Variants in ZFPM2 observed in about 807,000 individuals in gnomAD.
ZFPM2 encodes the protein zinc finger protein, FOG family member 2.
In ZFPM2, 20 loss-of-function variants were observed where a neutral mutation model predicts 98.6. The observed-to-expected ratio is 0.20, with a 90% CI of 0.14 to 0.29. The LOEUF is 0.29. Ranked by LOEUF, ZFPM2 falls within the 10% of genes least tolerant of loss-of-function variation. The probability of loss-of-function intolerance (pLI) is 1.00; values close to 1 mark genes in which losing one functional copy is unlikely to be tolerated. For synonymous variants in ZFPM2, 518 were observed against 502.7 expected (o/e 1.03, Z -0.41); for missense variants, 1,310 against 1,388.6 (o/e 0.94, Z 0.90).
chr8:105,457,709 T>C (rs781105107), intron 3 of ZFPM2, among the ~76,000 whole-genome samples: 1 of 152,182 alleles, frequency 6.6e-6, no homozygotes, highest in Non-Finnish European at 1.5e-5. Context: ...TTGTTTGTTT[T>C]TTGCAAGTCT....
At chr8:105,674,824 T>C (rs764919773) in intron 5 of ZFPM2, among the ~76,000 whole-genome samples, 4 of 152,016 alleles carry the variant, frequency 2.6e-5, no homozygotes, top group Non-Finnish European at 5.9e-5. Context: ...TTTACTATGG[T>C]TGAGGGGAAA....
At chr8:105,575,343 C>G (rs759678140) in intron 4 of ZFPM2, among the ~76,000 whole-genome samples, 4 of 152,134 alleles carry the variant, frequency 2.6e-5, no homozygotes, top group Non-Finnish European at 5.9e-5. Context: ...CTCCCTTTCC[C>G]CAATTGTTGT....
rs775651750 is a variant in ZFPM2, at chr8:105,657,497, T to A, written c.532+23140T>A. Among the ~76,000 whole-genome samples, 219 of 152,102 alleles carry A rather than the reference T, an allele frequency of 1.4e-3. 1 individual carries two copies. Among genetic ancestry groups the A allele is most frequent in the Non-Finnish European group, 2.6e-3 (174 of 68,026 alleles). ...TATACAGGACTAGCCTTGTTTTGCA[T>A]CCTCCTGATGTTTCAGTCATGCCAA... On this transcript the variant is annotated intron_variant, in intron 5 of 7. Coordinates refer to ENST00000407775, the MANE Select transcript of ZFPM2 (RefSeq NM_012082.4).
At chr8:105,468,578 C>T (rs1306160937) in intron 3 of ZFPM2, among the ~76,000 whole-genome samples, 1 of 152,148 alleles carries the variant, frequency 6.6e-6, no homozygotes, top group Non-Finnish European at 1.5e-5. Context: ...TAGCACCTTC[C>T]ATGGCCTTGA....
intron 5 of ZFPM2, among the ~76,000 whole-genome samples, chr8:105,695,933 A>AT (rs1333437356): frequency 6.6e-6 from 1 of 152,084 alleles, no homozygotes; most frequent in Non-Finnish European, 1.5e-5. Flanking sequence ...TCAAAATGTG[A>AT]TTTTCTTGCT....
intron 5 of ZFPM2, among the ~76,000 whole-genome samples, chr8:105,646,349 C>T (rs1216492885): frequency 6.6e-6 from 1 of 152,100 alleles, no homozygotes; most frequent in African/African-American, 2.4e-5. Flanking sequence ...TCGGGTGGTT[C>T]GTTGATATCA....
chr8:105,524,805 G>A (rs369200399), intron 3 of ZFPM2, among the ~76,000 whole-genome samples: 5 of 152,126 alleles, frequency 3.3e-5, no homozygotes, highest in African/African-American at 1.2e-4. Context: ...TTTCTTTTAC[G>A]GCTCTAAGGG....
Position 105,456,155 on chromosome 8 carries a change from TGTTTG to T in ZFPM2, c.301+11775_301+11779del, listed in dbSNP as rs766439226. Among the ~76,000 whole-genome samples, 127 of 116,732 alleles carry T rather than the reference TGTTTG, an allele frequency of 1.1e-3. 3 individuals carry two copies. Among genetic ancestry groups the T allele is most frequent in the South Asian group, 1.8e-3 (7 of 3,890 alleles). The allele number at this position is 116,732 out of a possible 152,430, so 76.6% of individuals were successfully genotyped here. ...GGAAAACCAGGAAAATGTTTTTTTT[TGTTTG>T]TTTGTTTGTTTTTTTTTTAAGAAGG... On this transcript the variant is annotated intron_variant, in intron 3 of 7. Coordinates refer to ENST00000407775, the MANE Select transcript of ZFPM2 (RefSeq NM_012082.4).
At chr8:105,770,362 C>T (rs542374693) in intron 5 of ZFPM2, among the ~76,000 whole-genome samples, 5 of 152,132 alleles carry the variant, frequency 3.3e-5, no homozygotes, top group Non-Finnish European at 7.4e-5. Context: ...GGTCTTTGAA[C>T]TTACAAATGC....
intron 5 of ZFPM2, among the ~76,000 whole-genome samples, chr8:105,734,295 T>C (rs1372233040): frequency 1.3e-5 from 2 of 151,992 alleles, no homozygotes; most frequent in East Asian, 3.9e-4. Context: ...AACTGTAAAA[T>C]GAAGTAGTAT....
intron 1 of ZFPM2, among the ~76,000 whole-genome samples, chr8:105,355,475 G>C (rs1265984017): frequency 1.3e-5 from 2 of 152,102 alleles, no homozygotes; most frequent in Non-Finnish European, 2.9e-5. Context: ...CTTGAAGGAA[G>C]TTGGGCCATT....
chr8:105,391,161 C>G (rs1468742758), intron 1 of ZFPM2, among the ~76,000 whole-genome samples: 2 of 152,156 alleles, frequency 1.3e-5, no homozygotes, highest in African/African-American at 4.8e-5. Context: ...GCAAATCTTT[C>G]AGTATGGTAC....
At chr8:105,440,263 T>G (rs1304053528) in intron 2 of ZFPM2, among the ~76,000 whole-genome samples, 1 of 152,250 alleles carries the variant, frequency 6.6e-6, no homozygotes, top group African/African-American at 2.4e-5. Flanking sequence ...TATTTTGTGA[T>G]TACTTTCTAT....
intron 5 of ZFPM2, among the ~76,000 whole-genome samples, chr8:105,759,580 TTG>T (rs5893760): frequency 0.16 from 22,693 of 146,256 alleles, 2,689 homozygotes; most frequent in African/African-American, 0.33. Context: ...TTGATAATCC[TTG>T]TGTGTGTGTG....
intron 3 of ZFPM2, among the ~76,000 whole-genome samples, chr8:105,557,700 A>G (rs2130688035): frequency 6.6e-6 from 1 of 152,300 alleles, no homozygotes; most frequent in African/African-American, 2.4e-5. Flanking sequence ...GTACCAATAA[A>G]TATTTATAAA....
intron 1 of ZFPM2, among the ~76,000 whole-genome samples, chr8:105,352,476 A>G (rs1214992895): frequency 6.6e-6 from 1 of 152,192 alleles, no homozygotes; most frequent in African/African-American, 2.4e-5. Context: ...TTCAGTATTA[A>G]TGAAGAACAT....
intron 5 of ZFPM2, 88 bp from the exon 6 acceptor site, chr8:105,788,630 T>G: frequency 1.5e-6 from 2 of 1,292,486 alleles, no homozygotes; most frequent in Non-Finnish European, 2.2e-6. Flanking sequence ...GTGAAAAACA[T>G]GAGAAGGTGC....
intron 5 of ZFPM2, among the ~76,000 whole-genome samples, chr8:105,763,827 G>A (rs562200387): frequency 1.5e-4 from 23 of 151,764 alleles, no homozygotes; most frequent in Non-Finnish European, 3.1e-4. Flanking sequence ...TGGGCTTGGT[G>A]ATTTACTAAG....
chr8:105,676,318 T>C (rs1261110528), intron 5 of ZFPM2, among the ~76,000 whole-genome samples: 2 of 152,180 alleles, frequency 1.3e-5, no homozygotes, highest in Non-Finnish European at 2.9e-5. Flanking sequence ...TTGTAAAAAA[T>C]TGAGTTGTGG....
Sources: allele counts gnomAD v4.1 joint callset (sites outside exome capture counted in the v4.1 genomes callset), GRCh38; gene constraint gnomAD v4.1.1; transcripts MANE v1.5; gene names NCBI Gene and HGNC (gene_info 2026-07-23, HGNC 2026-07-21).